Variants in TTC28 observed in about 807,000 individuals in gnomAD.
TTC28 encodes the protein tetratricopeptide repeat domain 28, also known as tetratricopeptide repeat protein 28.
A neutral mutation model predicts 198.0 loss-of-function variants in TTC28; 61 were observed. The ratio of observed to expected loss-of-function variants is 0.31; its 90% CI spans 0.25 to 0.38. TTC28 has a LOEUF of 0.38. Ranked by LOEUF, TTC28 falls within the 10% of genes least tolerant of loss-of-function variation. TTC28 has a pLI of 1.00. For missense variants in TTC28, 2,678 were observed against 3,164.0 expected (o/e 0.85, Z 3.69); for synonymous variants, 1,171 against 1,297.8 (o/e 0.90, Z 2.10).
At chr22:28,548,118 A>G (rs1037827659) in intron 2 of TTC28, among the ~76,000 whole-genome samples, 1 of 152,170 alleles carries the variant, frequency 6.6e-6, no homozygotes, top group Admixed American at 6.5e-5. Flanking sequence ...TTTTCTTCCC[A>G]TATCTAAGCA....
In TTC28 at chr22:28,677,158, G is replaced by GAAA. The variant is rs35292146; in HGVS notation, c.102+2461_102+2463dup. Among the ~76,000 whole-genome samples, 437 of 44,912 alleles carry GAAA rather than the reference G, an allele frequency of 9.7e-3. 4 individuals carry two copies. Among genetic ancestry groups the GAAA allele is most frequent in the Non-Finnish European group, 0.014 (348 of 24,480 alleles). The allele number at this position is 44,912 out of a possible 152,430, so 29.5% of individuals were successfully genotyped here. On this transcript the variant is annotated intron_variant, in intron 1 of 22. Transcript: ENST00000397906. ...GTGACAGAGCAAGACTCCATCTCAG[G>GAAA]AAAAAAAAAAAAAAAAAATATATAT...
chr22:28,610,848 C>A (rs184612822), intron 2 of TTC28, among the ~76,000 whole-genome samples: 1 of 151,998 alleles, frequency 6.6e-6, no homozygotes, highest in Non-Finnish European at 1.5e-5. Flanking sequence ...AAATTGCCAA[C>A]TAGAATAACC....
intron 5 of TTC28, among the ~76,000 whole-genome samples, chr22:28,169,701 G>T (rs1372571881): frequency 1.3e-5 from 2 of 151,984 alleles, no homozygotes; most frequent in African/African-American, 4.8e-5. Flanking sequence ...GGATAGCATT[G>T]GGAGATATAC....
chr22:28,157,779 C>T (rs1377424660), intron 6 of TTC28, among the ~76,000 whole-genome samples: 5 of 152,014 alleles, frequency 3.3e-5, no homozygotes, highest in African/African-American at 9.7e-5. Context: ...ATAATAAAAG[C>T]CATATACAAG....
At chr22:28,663,475 C>A (rs367641157) in intron 1 of TTC28, among the ~76,000 whole-genome samples, 2 of 143,940 alleles carry the variant, frequency 1.4e-5, no homozygotes, top group Non-Finnish European at 3.0e-5. Context: ...CGAGGCATTG[C>A]CTCACCTGGG....
chr22:28,349,504 G>A (rs1187155345), intron 2 of TTC28, among the ~76,000 whole-genome samples: 1 of 152,118 alleles, frequency 6.6e-6, no homozygotes, highest in East Asian at 1.9e-4. Context: ...TGCAGAGAAA[G>A]CAAAGAGCAA....
In TTC28 at chr22:28,053,972, C is replaced by T. The variant is rs369801429; in HGVS notation, c.3933-23606G>A. Among the ~76,000 whole-genome samples, 15 of 152,228 alleles carry T rather than the reference C, an allele frequency of 9.9e-5. 1 individual carries two copies. The highest frequency in any genetic ancestry group is 3.9e-4 in the East Asian group (2 of 5,188). On this transcript the variant is annotated intron_variant, in intron 12 of 22. Transcript: ENST00000397906. Reference sequence around the variant, plus strand: ...TATTTTAAATATAAATGCATCCTGACGTTTGTTAGCTAAAGGAAGACTTAA... The same window carrying T: ...TATTTTAAATATAAATGCATCCTGATGTTTGTTAGCTAAAGGAAGACTTAA...
At chr22:28,545,859 T>C (rs1450597613) in intron 2 of TTC28, among the ~76,000 whole-genome samples, 1 of 152,192 alleles carries the variant, frequency 6.6e-6, no homozygotes, top group Non-Finnish European at 1.5e-5. Flanking sequence ...TATACTATGT[T>C]CACAAAGGGG....
chr22:28,546,762 A>G (rs1289371241), intron 2 of TTC28, among the ~76,000 whole-genome samples: 1 of 152,244 alleles, frequency 6.6e-6, no homozygotes, highest in Non-Finnish European at 1.5e-5. Context: ...TAATATATCT[A>G]GAATACCACA....
chr22:28,568,215 GAA>G (rs1245598131), intron 2 of TTC28, among the ~76,000 whole-genome samples: 1 of 152,140 alleles, frequency 6.6e-6, no homozygotes, highest in Non-Finnish European at 1.5e-5. Flanking sequence ...CAGAAAAGGG[GAA>G]AAGAGTTAAA....
At chr22:28,142,869 T>C (rs1161063636) in intron 6 of TTC28, among the ~76,000 whole-genome samples, 1 of 152,200 alleles carries the variant, frequency 6.6e-6, no homozygotes, top group Non-Finnish European at 1.5e-5. Context: ...GTCCCCAGAA[T>C]AAAATTAGCT....
rs1193463600 is a variant in TTC28, at chr22:27,983,403, C to T, written c.6264G>A (p.Gly2088=). 6.4e-7 allele frequency: 1 copy of T among 1,550,788 alleles called. No homozygotes were observed. Among genetic ancestry groups the T allele is most frequent in the Non-Finnish European group, 8.7e-7 (1 of 1,146,952 alleles). Residue 2088 remains glycine (G), a synonymous_variant, in exon 23 of 23, where the codon GGG becomes GGA. Transcript: ENST00000397906. ...FSPDHKQPQP[G]TAGGMRVSVS... The stretch of plus-strand genomic sequence containing the variant: ...CCGAGACTCTCATGCCTCCGGCTGT[C>T]CCAGGTTGGGGTTGTTTGTGGTCTG...
At chr22:28,438,647 T>C (rs557090571) in intron 2 of TTC28, among the ~76,000 whole-genome samples, 1 of 152,340 alleles carries the variant, frequency 6.6e-6, no homozygotes, top group South Asian at 2.1e-4. Context: ...ATTTACACAG[T>C]GTTATCTGAT....
At chr22:28,176,690 C>A (rs1432823610) in intron 5 of TTC28, among the ~76,000 whole-genome samples, 1 of 152,026 alleles carries the variant, frequency 6.6e-6, no homozygotes, top group Non-Finnish European at 1.5e-5. Context: ...TAAATATGTA[C>A]AATTACAAAG....
At chr22:28,404,772 T>G (rs180692114) in intron 2 of TTC28, among the ~76,000 whole-genome samples, 170 of 152,022 alleles carry the variant, frequency 1.1e-3, no homozygotes, top group African/African-American at 3.9e-3. Flanking sequence ...AAGGGCAGAG[T>G]TTTAAGGGAG....
At chr22:28,022,619 C>T (rs185693149) in intron 13 of TTC28, among the ~76,000 whole-genome samples, 5 of 152,338 alleles carry the variant, frequency 3.3e-5, no homozygotes, top group Admixed American at 1.3e-4. Flanking sequence ...CTGCTGGGAT[C>T]GAGCTACCTG....
intron 2 of TTC28, among the ~76,000 whole-genome samples, chr22:28,324,361 G>A: frequency 6.6e-6 from 1 of 151,720 alleles, no homozygotes; most frequent in Non-Finnish European, 1.5e-5. Flanking sequence ...AACAGAAAAA[G>A]AGGGACTCCT....
chr22:27,991,713 C>T (rs1937415112), intron 19 of TTC28, among the ~76,000 whole-genome samples: 1 of 152,224 alleles, frequency 6.6e-6, no homozygotes. Context: ...GAAGTGCTCC[C>T]ACAGCTGTCC....
chr22:28,223,821 G>A (rs1335945697), intron 5 of TTC28, among the ~76,000 whole-genome samples: 1 of 152,118 alleles, frequency 6.6e-6, no homozygotes, highest in East Asian at 1.9e-4. Flanking sequence ...TATAAAACCT[G>A]ACATTATAAA....
Sources: allele counts gnomAD v4.1 joint callset (sites outside exome capture counted in the v4.1 genomes callset), GRCh38; gene constraint gnomAD v4.1.1; transcripts MANE v1.5; gene names NCBI Gene and HGNC (gene_info 2026-07-23, HGNC 2026-07-21).